TNR: variants seen among roughly 807,000 people sequenced by gnomAD.
The protein encoded by TNR is tenascin R, also known as tenascin-R.
TNR carries 45 observed loss-of-function variants against 150.4 expected under a neutral mutation model. That is an observed-to-expected ratio of 0.30 (90% CI 0.24 to 0.38). The LOEUF is 0.38. Ranked by LOEUF, TNR falls within the 10% of genes least tolerant of loss-of-function variation. The pLI, the probability that TNR is intolerant of heterozygous loss-of-function variation, is 1.00. For synonymous variants in TNR, 687 were observed against 678.4 expected (o/e 1.01, Z -0.20); for missense variants, 1,544 against 1,759.1 (o/e 0.88, Z 2.19).
rs572088790 is a variant in TNR, at chr1:175,316,692, G to A, written c.*6665C>T. The stretch of plus-strand genomic sequence containing the variant: ...GGATGTTCCCAAAAGAGTGGGGTGG[G>A]GGGTATTGGGTTTATGTTCTGGTTC... On this transcript the variant is annotated 3_prime_UTR_variant, in exon 23 of 23. Coordinates refer to ENST00000367674, the MANE Select transcript of TNR (RefSeq NM_003285.3). 1 of 152,034 alleles carries A rather than the reference G, an allele frequency of 6.6e-6. No homozygotes were observed. Among genetic ancestry groups the A allele is most frequent in the Admixed American group, 6.6e-5 (1 of 15,258 alleles). 9.4% of individuals were successfully genotyped at this position (152,034 alleles called of 1,614,324 possible).
intron 1 of TNR, among the ~76,000 whole-genome samples, chr1:175,725,755 A>AGGTAAAGTCAACAGAACTTGGCGAC (rs1667460262): frequency 6.6e-6 from 1 of 152,214 alleles, no homozygotes; most frequent in Non-Finnish European, 1.5e-5. Context: ...GATATTAAGG[A>AGGTAAAGTCAACAGAACTTGGCGAC]GGTAAAGTCA....
chr1:175,393,674 A>G (rs1653285458), intron 6 of TNR, 106 bp downstream of exon 6: 2 of 876,944 alleles, frequency 2.3e-6, no homozygotes, highest in South Asian at 1.4e-5. Context: ...CTTTAATGGC[A>G]TGGAGAGAGA....
In TNR at chr1:175,325,463, T is replaced by C. The variant is rs924634222; in HGVS notation, c.3794-944A>G. Among the ~76,000 whole-genome samples the C allele has an allele frequency of 5.9e-5, 9 of 152,366 alleles. No individual in the cohort carries two copies. The South Asian group carries it at 1.0e-3, about 18-fold the overall frequency. On this transcript the variant is annotated intron_variant, in intron 21 of 22. Coordinates refer to ENST00000367674, the MANE Select transcript of TNR (RefSeq NM_003285.3). Reference sequence around the variant, plus strand: ...ACCATTGTGGAAGACAGTGTGGCGATTCCTCAAGGATCTAGAACTAGAAAT... The same window carrying C: ...ACCATTGTGGAAGACAGTGTGGCGACTCCTCAAGGATCTAGAACTAGAAAT...
chr1:175,637,554 T>A (rs751124557), intron 1 of TNR, among the ~76,000 whole-genome samples: 1 of 151,938 alleles, frequency 6.6e-6, no homozygotes, highest in Non-Finnish European at 1.5e-5. Flanking sequence ...AGAAAAAAAA[T>A]AGAGAATCCC....
At chr1:175,736,336 A>G (rs1172817694) in intron 1 of TNR, among the ~76,000 whole-genome samples, 1 of 152,122 alleles carries the variant, frequency 6.6e-6, no homozygotes, top group Non-Finnish European at 1.5e-5. Flanking sequence ...CCTGGCTAAC[A>G]TGGTGAAACC....
chr1:175,624,081 G>C (rs1335216500), intron 1 of TNR, among the ~76,000 whole-genome samples: 1 of 152,202 alleles, frequency 6.6e-6, no homozygotes, highest in Non-Finnish European at 1.5e-5. Flanking sequence ...TGGTCCTCAG[G>C]CCTTCCCAGT....
chr1:175,405,866 G>C lies in TNR; in HGVS notation c.499+350C>G, dbSNP rs1384144300. Among the ~76,000 whole-genome samples the C allele has an allele frequency of 2.0e-5, 3 of 152,112 alleles. No homozygotes were observed. The East Asian group carries it at 5.8e-4, about 29-fold the overall frequency. ...CCTGTGAAAACCAAAGATGAAAGAA[G>C]ACAGACATCAAATTCCCTGCTCGCC... On this transcript the variant is annotated intron_variant, in intron 3 of 22. Transcript: ENST00000367674.
intron 1 of TNR, among the ~76,000 whole-genome samples, chr1:175,577,581 A>G (rs1662169815): frequency 6.6e-6 from 1 of 152,052 alleles, no homozygotes; most frequent in African/African-American, 2.4e-5. Flanking sequence ...AGTGGCTTGG[A>G]GGGCTGGGGG....
At position 175,318,545 on chromosome 1, in the gene TNR, G is replaced by A. The variant is rs566824614; in HGVS notation, c.*4812C>T. On this transcript the variant is annotated 3_prime_UTR_variant, in exon 23 of 23. Transcript: ENST00000367674. ...TCATTTGGTCTGTGAGTTCTCATCT[G>A]GACTGGTAGTGTCCAAATGACCCAG... The A allele has an allele frequency of 6.6e-6, 1 of 152,308 alleles. No individual in the cohort carries two copies. The highest frequency in any genetic ancestry group is 1.5e-5 in the Non-Finnish European group (1 of 68,038). 9.4% of individuals were successfully genotyped at this position (152,308 alleles called of 1,614,324 possible).
At chr1:175,613,840 A>G (rs921063628) in intron 1 of TNR, among the ~76,000 whole-genome samples, 10 of 152,188 alleles carry the variant, frequency 6.6e-5, no homozygotes. Context: ...TATAAGATGA[A>G]CATGATGCCG....
chr1:175,731,678 T>C (rs1558095621), intron 1 of TNR, among the ~76,000 whole-genome samples: 1 of 152,182 alleles, frequency 6.6e-6, no homozygotes, highest in African/African-American at 2.4e-5. Context: ...AAGTTCACTG[T>C]TCCCAGATCT....
intron 2 of TNR, among the ~76,000 whole-genome samples, chr1:175,427,719 TTCTC>T (rs1431974911): frequency 5.2e-4 from 61 of 118,058 alleles, no homozygotes; most frequent in African/African-American, 1.4e-3. Flanking sequence ...TCTTCCCTCC[TTCTC>T]TCTTTCTTTT....
At chr1:175,434,063 A>G (rs1655386569) in intron 2 of TNR, among the ~76,000 whole-genome samples, 1 of 152,134 alleles carries the variant, frequency 6.6e-6, no homozygotes, top group Non-Finnish European at 1.5e-5. Flanking sequence ...ATTTTCTTGC[A>G]AAGTGTCTCA....
At chr1:175,724,850 G>T (rs1303555685) in intron 1 of TNR, among the ~76,000 whole-genome samples, 1 of 152,094 alleles carries the variant, frequency 6.6e-6, no homozygotes, top group South Asian at 2.1e-4. Flanking sequence ...TTGGCAGAGG[G>T]AGGAAGATGT....
At chr1:175,732,351 G>A (rs1163828413) in intron 1 of TNR, among the ~76,000 whole-genome samples, 1 of 152,240 alleles carries the variant, frequency 6.6e-6, no homozygotes, top group Non-Finnish European at 1.5e-5. Flanking sequence ...CAAAGTGAAT[G>A]AGGCTTTTGT....
At chr1:175,448,739 C>G (rs1656175671) in intron 2 of TNR, among the ~76,000 whole-genome samples, 1 of 152,220 alleles carries the variant, frequency 6.6e-6, no homozygotes, top group Non-Finnish European at 1.5e-5. Context: ...TTCCGATATT[C>G]ACTTTCGTGA....
chr1:175,644,131 C>T (rs1438052085), intron 1 of TNR, among the ~76,000 whole-genome samples: 1 of 152,178 alleles, frequency 6.6e-6, no homozygotes, highest in Non-Finnish European at 1.5e-5. Context: ...ATTGTTACTA[C>T]AAATTAGGGG....
chr1:175,711,718 C>T (rs1005148830), intron 1 of TNR, among the ~76,000 whole-genome samples: 2 of 152,144 alleles, frequency 1.3e-5, no homozygotes, highest in African/African-American at 4.8e-5. Flanking sequence ...GAATAGATCT[C>T]ACAGACGTGG....
At chr1:175,547,048 G>C (rs1383992765) in intron 1 of TNR, among the ~76,000 whole-genome samples, 1 of 152,152 alleles carries the variant, frequency 6.6e-6, no homozygotes, top group African/African-American at 2.4e-5. Context: ...AGCTCATCCT[G>C]ACACTCCATT....
Sources: allele counts gnomAD v4.1 joint callset (sites outside exome capture counted in the v4.1 genomes callset), GRCh38; gene constraint gnomAD v4.1.1; transcripts MANE v1.5; gene names NCBI Gene and HGNC (gene_info 2026-07-23, HGNC 2026-07-21).